Variants in CSGALNACT1 observed in about 807,000 individuals in gnomAD.
The protein encoded by CSGALNACT1 is beta4GalNAcT-1.
CSGALNACT1 carries 52 observed loss-of-function variants against 51.0 expected under a neutral mutation model. The observed-to-expected ratio is 1.02, with a 90% CI of 0.82 to 1.29. The LOEUF is 1.29. CSGALNACT1 is among the 50% of genes most tolerant of loss of function. CSGALNACT1 has a pLI of 0.00. For missense variants in CSGALNACT1, 935 were observed against 679.2 expected (o/e 1.38, Z -4.19); for synonymous variants, 341 against 254.4 (o/e 1.34, Z -3.24).
chr8:19,535,388 G>A (rs942979917), intron 3 of CSGALNACT1, among the ~76,000 whole-genome samples: 5 of 152,062 alleles, frequency 3.3e-5, no homozygotes, highest in African/African-American at 4.8e-5. Context: ...TACTCCAAAA[G>A]AGCAGTGAAA....
At chr8:19,557,521 C>G (rs1297916612) in intron 3 of CSGALNACT1, among the ~76,000 whole-genome samples, 1 of 152,176 alleles carries the variant, frequency 6.6e-6, no homozygotes, top group Non-Finnish European at 1.5e-5. Flanking sequence ...CCCCTGCTGC[C>G]TTGTTAGCCA....
intron 3 of CSGALNACT1, chr8:19,532,086 G>A (rs760726783): frequency 6.6e-6 from 1 of 151,840 alleles, no homozygotes; most frequent in Non-Finnish European, 1.5e-5. Context: ...TAAATTCTAG[G>A]CTCTGTTGGT....
intron 1 of CSGALNACT1, among the ~76,000 whole-genome samples, chr8:19,673,676 G>A (rs1056821318): frequency 2.0e-5 from 3 of 152,194 alleles, no homozygotes; most frequent in East Asian, 1.9e-4. Context: ...CTTCTACCAC[G>A]TGCTAATGTT....
intron 3 of CSGALNACT1, among the ~76,000 whole-genome samples, chr8:19,576,655 C>T (rs184176148): frequency 4.0e-5 from 6 of 150,396 alleles, no homozygotes; most frequent in African/African-American, 1.5e-4. Flanking sequence ...TAGATCTCAC[C>T]ACATTATCCA....
At chr8:19,543,379 A>G (rs1239035026) in intron 3 of CSGALNACT1, among the ~76,000 whole-genome samples, 1 of 152,166 alleles carries the variant, frequency 6.6e-6, no homozygotes, top group Non-Finnish European at 1.5e-5. Flanking sequence ...GCCCTTGACA[A>G]TGTCTGGGAA....
chr8:19,611,027 C>T (rs2052183979), intron 1 of CSGALNACT1, among the ~76,000 whole-genome samples: 2 of 152,306 alleles, frequency 1.3e-5, no homozygotes, highest in Non-Finnish European at 1.5e-5. Flanking sequence ...ACTGAAGCAG[C>T]GAGCCGCTCC....
chr8:19,671,691 G>T (rs1670427775), intron 1 of CSGALNACT1, among the ~76,000 whole-genome samples: 1 of 152,188 alleles, frequency 6.6e-6, no homozygotes, highest in African/African-American at 2.4e-5. Context: ...AGGTAGTAGG[G>T]ACGAAGTAAA....
intron 5 of CSGALNACT1, among the ~76,000 whole-genome samples, chr8:19,441,482 T>C (rs1462254343): frequency 6.6e-6 from 1 of 152,222 alleles, no homozygotes; most frequent in African/African-American, 2.4e-5. Context: ...GATTCCCTAC[T>C]TAATAAATGG....
chr8:19,588,249 AAC>A (rs764104819), intron 3 of CSGALNACT1, among the ~76,000 whole-genome samples: 19 of 152,224 alleles, frequency 1.2e-4, no homozygotes, highest in Non-Finnish European at 2.5e-4. Flanking sequence ...TACTCACACA[AAC>A]ACATATATAT....
chr8:19,746,706 C>T lies in CSGALNACT1; in HGVS notation c.-297+11144G>A, dbSNP rs193135529. 3.8e-4 allele frequency among the ~76,000 whole-genome samples: 58 copies of T among 152,302 alleles called. No individual in the cohort carries two copies. In the Middle Eastern group the frequency reaches 0.014, roughly 36 times the overall value. The stretch of plus-strand genomic sequence containing the variant: ...AATTCCAACTCCAACATGTTATTGA[C>T]AAGATTATTAAATGAAGCCTACAAG... On this transcript the variant is annotated intron_variant, in intron 1 of 1. Coordinates refer to the CSGALNACT1 transcript ENST00000517494.
At chr8:19,598,272 C>A (rs1365148303) in intron 2 of CSGALNACT1, among the ~76,000 whole-genome samples, 1 of 152,228 alleles carries the variant, frequency 6.6e-6, no homozygotes, top group Admixed American at 6.5e-5. Flanking sequence ...GATACCCATT[C>A]ATGTGCCAGT....
Position 19,599,472 on chromosome 8 carries a change from A to AAAAGAAAGAAAAAGAAAGAAAG in CSGALNACT1, c.-416+2298_-416+2299insCTTTCTTTCTTTTTCTTTCTTT, listed in dbSNP as rs1319884772. 8.3e-3 allele frequency among the ~76,000 whole-genome samples: 942 copies of AAAAGAAAGAAAAAGAAAGAAAG among 113,778 alleles called. 9 individuals are homozygous for AAAAGAAAGAAAAAGAAAGAAAG. The highest frequency in any genetic ancestry group is 0.024 in the African/African-American group (662 of 28,074). 74.6% of individuals were successfully genotyped at this position (113,778 alleles called of 152,430 possible). ...GAAAAAGAAAAGAAAGAAAGAAAGA[A>AAAAGAAAGAAAAAGAAAGAAAG]AAAGAAAGAAAGAAAGAAAGAAAGA... On this transcript the variant is annotated intron_variant, in intron 2 of 9. Coordinates refer to ENST00000454498, the Ensembl canonical transcript of CSGALNACT1.
intron 1 of CSGALNACT1, among the ~76,000 whole-genome samples, chr8:19,609,954 C>T (rs1407579061): frequency 6.6e-6 from 1 of 151,994 alleles, no homozygotes; most frequent in Non-Finnish European, 1.5e-5. Flanking sequence ...GGCACGGTGG[C>T]TCACGCCTGT....
At chr8:19,569,363 C>T (rs556680820) in intron 3 of CSGALNACT1, among the ~76,000 whole-genome samples, 3 of 152,246 alleles carry the variant, frequency 2.0e-5, no homozygotes, top group African/African-American at 7.2e-5. Context: ...CTCTGACACC[C>T]TAGTGAAATA....
intron 4 of CSGALNACT1, among the ~76,000 whole-genome samples, chr8:19,472,215 G>C (rs999148273): frequency 2.0e-5 from 3 of 152,222 alleles, no homozygotes; most frequent in African/African-American, 7.2e-5. Flanking sequence ...ATTAGGGCCA[G>C]TTTCCAAACA....
intron 1 of CSGALNACT1, among the ~76,000 whole-genome samples, chr8:19,667,056 AAAG>A (rs2059421579): frequency 2.7e-5 from 3 of 113,166 alleles, no homozygotes; most frequent in Non-Finnish European, 5.7e-5. Context: ...AGAAAGAAAG[AAAG>A]AAAGAAAGAA....
chr8:19,701,811 C>T (rs962578996), intron 1 of CSGALNACT1, among the ~76,000 whole-genome samples: 5 of 152,186 alleles, frequency 3.3e-5, no homozygotes, highest in South Asian at 2.1e-4. Context: ...TTTCAATCCA[C>T]TCAATCTGGT....
At chr8:19,459,869 C>T (rs907522623) in intron 4 of CSGALNACT1, among the ~76,000 whole-genome samples, 24 of 152,104 alleles carry the variant, frequency 1.6e-4, no homozygotes, top group African/African-American at 5.1e-4. Context: ...GTCTAGGGAC[C>T]GTGCAAACTG....
At chr8:19,524,237 G>C (rs764092318) in intron 3 of CSGALNACT1, among the ~76,000 whole-genome samples, 1 of 152,030 alleles carries the variant, frequency 6.6e-6, no homozygotes, top group Non-Finnish European at 1.5e-5. Flanking sequence ...CTACAGCAAG[G>C]ATCACACCAT....
Sources: allele counts gnomAD v4.1 joint callset (sites outside exome capture counted in the v4.1 genomes callset), GRCh38; gene constraint gnomAD v4.1.1; transcripts MANE v1.5; gene names NCBI Gene and HGNC (gene_info 2026-07-23, HGNC 2026-07-21).